NCALD: variants seen among roughly 807,000 people sequenced by gnomAD.
The protein encoded by NCALD is neurocalcin-delta.
Under a neutral mutation model 18.6 loss-of-function variants are expected in NCALD, and 10 were observed. That is an observed-to-expected ratio of 0.54 (90% CI 0.33 to 0.91). The LOEUF is 0.91. Among genes scored for constraint, NCALD ranks in the 40% least tolerant of loss-of-function variants. The probability of loss-of-function intolerance (pLI) is 0.03; values close to 1 mark genes in which losing one functional copy is unlikely to be tolerated. For missense variants in NCALD, 184 were observed against 247.6 expected (o/e 0.74, Z 1.72); for synonymous variants, 88 against 87.4 (o/e 1.01, Z -0.04).
chr8:101,836,362 C>A (rs1217557976), intron 4 of NCALD, among the ~76,000 whole-genome samples: 1 of 152,170 alleles, frequency 6.6e-6, no homozygotes, highest in Admixed American at 6.5e-5. Flanking sequence ...ACCCTAGACC[C>A]TTTTCCGCCT....
intron 1 of NCALD, among the ~76,000 whole-genome samples, chr8:102,053,964 A>G (rs1219590167): frequency 6.6e-6 from 1 of 152,108 alleles, no homozygotes; most frequent in Non-Finnish European, 1.5e-5. Context: ...ACGTAGTAGA[A>G]TATGTCAATC....
intron 1 of NCALD, among the ~76,000 whole-genome samples, chr8:102,033,912 G>A (rs1431686242): frequency 4.6e-5 from 7 of 151,858 alleles, no homozygotes; most frequent in Non-Finnish European, 8.8e-5. Flanking sequence ...AAAGCATATG[G>A]GAGTTGATAC....
At chr8:101,724,323 A>G (rs955837889) in intron 1 of NCALD, among the ~76,000 whole-genome samples, 2 of 152,240 alleles carry the variant, frequency 1.3e-5, no homozygotes, top group African/African-American at 4.8e-5. Flanking sequence ...AAGTGACTCA[A>G]AAAAGTTTGT....
chr8:102,072,846 A>T (rs1824221503), intron 1 of NCALD, among the ~76,000 whole-genome samples: 1 of 152,204 alleles, frequency 6.6e-6, no homozygotes, highest in Admixed American at 6.5e-5. Context: ...TTTTCTGGCA[A>T]GGGTTAGAAA....
intron 2 of NCALD, among the ~76,000 whole-genome samples, chr8:101,923,741 C>A (rs115173010): frequency 3.9e-5 from 6 of 152,030 alleles, no homozygotes; most frequent in African/African-American, 1.2e-4. Flanking sequence ...AAAATAAGTT[C>A]TTTCTCTTAT....
intron 1 of NCALD, among the ~76,000 whole-genome samples, chr8:102,099,504 C>A (rs1825205718): frequency 6.6e-6 from 1 of 152,026 alleles, no homozygotes; most frequent in Non-Finnish European, 1.5e-5. Flanking sequence ...AGACAATATG[C>A]CCATATCAAG....
At chr8:101,808,905 CAGAG>C (rs146283686) in intron 4 of NCALD, among the ~76,000 whole-genome samples, 3 of 151,350 alleles carry the variant, frequency 2.0e-5, no homozygotes, top group Non-Finnish European at 4.4e-5. Context: ...GGGAGAGAGA[CAGAG>C]AGAGAGAGGG....
intron 1 of NCALD, among the ~76,000 whole-genome samples, chr8:102,048,237 A>G (rs7001757): frequency 0.39 from 58,878 of 152,102 alleles, 11,758 homozygotes; most frequent in African/African-American, 0.44. Flanking sequence ...GGGATTGCTC[A>G]AGTAATTCCT....
chr8:101,708,198 C>T (rs1476483917), intron 2 of NCALD, among the ~76,000 whole-genome samples: 5 of 152,102 alleles, frequency 3.3e-5, no homozygotes, highest in African/African-American at 1.2e-4. Flanking sequence ...TACATTCTTT[C>T]CTGGAAACAT....
intron 4 of NCALD, among the ~76,000 whole-genome samples, chr8:101,884,054 T>C (rs1816586240): frequency 6.6e-6 from 1 of 152,196 alleles, no homozygotes; most frequent in Non-Finnish European, 1.5e-5. Context: ...CCCTCTAGCT[T>C]TCCCCCATAG....
At chr8:102,017,145 G>T (rs72679088) in intron 2 of NCALD, among the ~76,000 whole-genome samples, 7 of 151,922 alleles carry the variant, frequency 4.6e-5, no homozygotes, top group Non-Finnish European at 1.0e-4. Flanking sequence ...TCTAATATGC[G>T]TATAATTGGA....
intron 2 of NCALD, among the ~76,000 whole-genome samples, chr8:101,927,315 G>A (rs1379516607): frequency 6.6e-6 from 1 of 152,230 alleles, no homozygotes; most frequent in African/African-American, 2.4e-5. Context: ...ATCTGGTGGA[G>A]CGTACAGTCT....
At chr8:101,748,970 C>T (rs967900069) in intron 1 of NCALD, among the ~76,000 whole-genome samples, 1 of 152,150 alleles carries the variant, frequency 6.6e-6, no homozygotes, top group East Asian at 1.9e-4. Context: ...GTCTCTTTTG[C>T]TCTTCTTACC....
intron 4 of NCALD, among the ~76,000 whole-genome samples, chr8:101,834,355 A>G (rs1293275896): frequency 6.6e-6 from 1 of 152,234 alleles, no homozygotes; most frequent in South Asian, 2.1e-4. Flanking sequence ...CCCAGGGCCC[A>G]AGCCAATGCG....
chr8:102,099,104 T>C (rs999454430), intron 1 of NCALD, among the ~76,000 whole-genome samples: 1 of 152,224 alleles, frequency 6.6e-6, no homozygotes, highest in Non-Finnish European at 1.5e-5. Flanking sequence ...GTTCCTAACA[T>C]TCTTTGTATA....
At chr8:101,864,684 T>G (rs750125141) in intron 4 of NCALD, among the ~76,000 whole-genome samples, 4 of 150,590 alleles carry the variant, frequency 2.7e-5, no homozygotes, top group Non-Finnish European at 5.9e-5. Flanking sequence ...AACCTCCGCC[T>G]CCTGGGTTAA....
intron 4 of NCALD, among the ~76,000 whole-genome samples, chr8:101,798,515 A>C (rs150913651): frequency 4.3e-4 from 65 of 152,356 alleles, no homozygotes; most frequent in African/African-American, 1.3e-3. Flanking sequence ...AGAAGGTTCA[A>C]ATAAATGGAG....
intron 3 of NCALD, among the ~76,000 whole-genome samples, chr8:101,904,368 A>C (rs928535419): frequency 2.6e-5 from 4 of 152,138 alleles, no homozygotes; most frequent in Non-Finnish European, 5.9e-5. Flanking sequence ...AAGAAATAAA[A>C]GGTCTTCCTT....
chr8:102,044,319 A>C (rs942342787), intron 1 of NCALD, among the ~76,000 whole-genome samples: 1 of 151,980 alleles, frequency 6.6e-6, no homozygotes, highest in African/African-American at 2.4e-5. Context: ...GTGAGGACAC[A>C]CGGAAATGGG....
Sources: gnomAD v4.1 joint callset for allele counts (sites outside exome capture counted in the v4.1 genomes callset) on GRCh38, gnomAD v4.1.1 for gene constraint, MANE v1.5 for transcripts, NCBI Gene and HGNC (gene_info 2026-07-23, HGNC 2026-07-21) for gene names.